MSI2: variants seen among roughly 807,000 people sequenced by gnomAD.
The protein encoded by MSI2 is RNA-binding protein Musashi homolog 2.
MSI2 carries 17 observed loss-of-function variants against 45.6 expected under a neutral mutation model. The observed-to-expected ratio is 0.37, with a 90% CI of 0.26 to 0.56. The LOEUF is 0.56. Among genes scored for constraint, MSI2 ranks in the 20% least tolerant of loss-of-function variants. The pLI, the probability that MSI2 is intolerant of heterozygous loss-of-function variation, is 0.77. For missense variants in MSI2, 293 were observed against 444.2 expected, an observed-to-expected ratio of 0.66 and a Z score of 3.06; for synonymous variants, 156 against 158.2, an observed-to-expected ratio of 0.99 and a Z score of 0.11.
chr17:57,441,150 C>T lies in MSI2; in HGVS notation c.405+39679C>T, dbSNP rs888227566. 5.9e-5 allele frequency among the ~76,000 whole-genome samples: 9 copies of T among 152,278 alleles called. No individual in the cohort carries two copies. The South Asian group carries it at 6.2e-4, about 11-fold the overall frequency. On this transcript the variant is annotated intron_variant, in intron 6 of 13. Transcript: ENST00000284073. ...TGTATTCTGTTTCCATTGACGGGGA[C>T]GGGTTTGCAGAACCACCCACACCCT...
At chr17:57,653,015 C>T (rs1245272263) in intron 11 of MSI2, among the ~76,000 whole-genome samples, 1 of 151,230 alleles carries the variant, frequency 6.6e-6, no homozygotes, top group African/African-American at 2.4e-5. Flanking sequence ...GTTTGCAGCT[C>T]TGTCCCCCCA....
At position 57,684,602 on chromosome 17, in the gene MSI2, A is replaced by C. The variant is rs1344968145; in HGVS notation, c.*5085A>C. ...TATTTTCAAATAAATAAGTTTGTGA[A>C]AGGTTTCCATCCTCTACTGTGGTCC... On this transcript the variant is annotated 3_prime_UTR_variant, in exon 14 of 14. Coordinates refer to ENST00000284073, the MANE Select transcript of MSI2 (RefSeq NM_138962.4). 2 of 166,374 alleles carry C rather than the reference A, an allele frequency of 1.2e-5. No homozygotes were observed. The highest frequency in any genetic ancestry group is 1.3e-5 in the Non-Finnish European group (1 of 76,252). 10.3% of individuals were successfully genotyped at this position (166,374 alleles called of 1,614,324 possible).
chr17:57,303,377 A>G (rs1009184804), intron 5 of MSI2, among the ~76,000 whole-genome samples: 2 of 152,242 alleles, frequency 1.3e-5, no homozygotes, highest in Admixed American at 1.3e-4. Flanking sequence ...GAAGAATTGC[A>G]GGACCAAACA....
At position 57,594,750 on chromosome 17, in the gene MSI2, T is replaced by A. The variant is rs138615870; in HGVS notation, c.455-2118T>A. 4.2e-3 allele frequency among the ~76,000 whole-genome samples: 639 copies of A among 152,318 alleles called. 2 individuals are homozygous for A. The highest frequency in any genetic ancestry group is 0.015 in the African/African-American group (608 of 41,566). ...CAAACCACGTATCCTGTCGGATGTC[T>A]GCTTCAGGCCTCTGAGGTAACTGAG... is the stretch of plus-strand genomic sequence containing the variant. On this transcript the variant is annotated intron_variant, in intron 7 of 13. Transcript: ENST00000284073.
chr17:57,675,403 C>A (rs1450699063), intron 12 of MSI2, among the ~76,000 whole-genome samples: 1 of 152,208 alleles, frequency 6.6e-6, no homozygotes, highest in South Asian at 2.1e-4. Flanking sequence ...TGAGCCACTT[C>A]GATAACCCGT....
intron 6 of MSI2, among the ~76,000 whole-genome samples, chr17:57,462,413 A>T (rs2085248821): frequency 6.6e-6 from 1 of 152,156 alleles, no homozygotes; most frequent in Non-Finnish European, 1.5e-5. Context: ...GCCTTTCCAG[A>T]GGTGGGTGTT....
At chr17:57,361,963 T>A (rs926250826) in intron 5 of MSI2, among the ~76,000 whole-genome samples, 1 of 152,242 alleles carries the variant, frequency 6.6e-6, no homozygotes, top group African/African-American at 2.4e-5. Context: ...TTTCTACAAA[T>A]TATTTTGGTC....
intron 5 of MSI2, among the ~76,000 whole-genome samples, chr17:57,373,628 C>T (rs1288411810): frequency 6.6e-6 from 1 of 152,192 alleles, no homozygotes; most frequent in African/African-American, 2.4e-5. Context: ...AGATCTGGGT[C>T]TTCAAATACC....
intron 5 of MSI2, among the ~76,000 whole-genome samples, chr17:57,349,904 A>G (rs1315354712): frequency 6.6e-6 from 1 of 152,204 alleles, no homozygotes; most frequent in African/African-American, 2.4e-5. Context: ...GAAGCCAAGA[A>G]ATAATTTTTT....
intron 6 of MSI2, among the ~76,000 whole-genome samples, chr17:57,480,645 C>T (rs759607856): frequency 3.3e-5 from 5 of 152,118 alleles, no homozygotes; most frequent in South Asian, 2.1e-4. Context: ...AGACCTCAGC[C>T]GCAGAGACGA....
chr17:57,384,551 CCT>C (rs1251113845), intron 5 of MSI2, among the ~76,000 whole-genome samples: 1 of 152,176 alleles, frequency 6.6e-6, no homozygotes, highest in Non-Finnish European at 1.5e-5. Context: ...CTTCTTCTGT[CCT>C]CTGTTGGTTG....
intron 7 of MSI2, among the ~76,000 whole-genome samples, chr17:57,559,137 A>AAAGCAGCAT (rs1435310396): frequency 1.3e-5 from 2 of 152,180 alleles, no homozygotes; most frequent in African/African-American, 2.4e-5. Flanking sequence ...CAGAACCACA[A>AAAGCAGCAT]AAGCAGCATT....
intron 2 of MSI2, 124 bp downstream of exon 2, chr17:57,257,262 T>C: frequency 1.9e-6 from 1 of 530,526 alleles, no homozygotes. Flanking sequence ...TGTGCAAGGT[T>C]ATTTTTTTTA....
intron 7 of MSI2, among the ~76,000 whole-genome samples, chr17:57,575,153 C>CG (rs202205537): frequency 0.016 from 2,272 of 138,640 alleles, 97 homozygotes; most frequent in African/African-American, 0.059. Flanking sequence ...TAACTCCCTC[C>CG]CCCCGCCACC....
intron 7 of MSI2, among the ~76,000 whole-genome samples, chr17:57,578,530 CTAA>C (rs1403415132): frequency 6.6e-6 from 1 of 151,776 alleles, no homozygotes; most frequent in Non-Finnish European, 1.5e-5. Context: ...AAGCTTGGGG[CTAA>C]TTGGGAACAG....
At chr17:57,583,493 T>C (rs1022477398) in intron 7 of MSI2, among the ~76,000 whole-genome samples, 7 of 147,972 alleles carry the variant, frequency 4.7e-5, no homozygotes, top group Non-Finnish European at 1.0e-4. Flanking sequence ...TGTTTCTTTT[T>C]TTTTTTTTTT....
chr17:57,652,417 A>G lies in MSI2; in HGVS notation c.790+256A>G, dbSNP rs1459466755. On this transcript the variant is annotated intron_variant, in intron 11 of 13. Coordinates refer to ENST00000284073, the MANE Select transcript of MSI2 (RefSeq NM_138962.4). This position sits in a 1 kb window ranked among gnomAD's most constrained non-coding sequence, Gnocchi z 4.1. ...ATTATTATTCTCTCCTTGAAAAAAA[A>G]AACAAACCTGAGTTTCTTTTTGACT... Among the ~76,000 whole-genome samples the G allele has an allele frequency of 6.6e-6, 1 of 152,078 alleles. No individual in the cohort carries two copies. Among genetic ancestry groups the G allele is most frequent in the Admixed American group, 6.5e-5 (1 of 15,278 alleles).
chr17:57,470,988 T>A (rs1263248643), intron 6 of MSI2, among the ~76,000 whole-genome samples: 1 of 152,178 alleles, frequency 6.6e-6, no homozygotes, highest in Non-Finnish European at 1.5e-5. Context: ...CTGTTGGCAT[T>A]CTCTTTATGA....
At chr17:57,542,411 T>TCTGG (rs990240940) in intron 7 of MSI2, among the ~76,000 whole-genome samples, 1 of 152,204 alleles carries the variant, frequency 6.6e-6, no homozygotes, top group Non-Finnish European at 1.5e-5. Context: ...GTTAGGAAAG[T>TCTGG]CTGGCTGAGA....
Sources: gnomAD v4.1 joint callset for allele counts (sites outside exome capture counted in the v4.1 genomes callset) on GRCh38, gnomAD v4.1.1 for gene constraint, Gnocchi (gnomAD v3.1) non-coding constraint, MANE v1.5 for transcripts, NCBI Gene and HGNC (gene_info 2026-07-23, HGNC 2026-07-21) for gene names.